CPB2: variants seen among roughly 807,000 people sequenced by gnomAD.
CPB2 encodes the protein carboxypeptidase B-like protein.
Under a neutral mutation model 57.0 loss-of-function variants are expected in CPB2, and 54 were observed. The ratio of observed to expected loss-of-function variants is 0.95; its 90% CI spans 0.76 to 1.19. CPB2 has a LOEUF of 1.19. Ranked by LOEUF, CPB2 falls within the 50% of genes most tolerant of loss-of-function variation. CPB2 has a pLI of 0.00. For missense variants in CPB2, 426 were observed against 512.0 expected (o/e 0.83, Z 1.62); for synonymous variants, 189 against 178.1 (o/e 1.06, Z -0.49).
intron 6 of CPB2, among the ~76,000 whole-genome samples, chr13:46,067,902 A>C (rs1388077114): frequency 1.3e-5 from 2 of 152,186 alleles, no homozygotes. Context: ...GGCTTTGATC[A>C]TCTAGCTGTA....
At chr13:46,097,693 T>C (rs1285618961) in intron 1 of CPB2, among the ~76,000 whole-genome samples, 1 of 152,194 alleles carries the variant, frequency 6.6e-6, no homozygotes, top group Non-Finnish European at 1.5e-5. Context: ...GGTGCTAACT[T>C]GGAAGGCAAC....
chr13:46,084,577 A>G (rs7336399), intron 2 of CPB2, among the ~76,000 whole-genome samples: 58,349 of 151,942 alleles, frequency 0.38, 11,619 homozygotes, highest in East Asian at 0.63. Context: ...GGCCTGGAAT[A>G]TACAAGATAA....
chr13:46,083,983 T>C (rs190320957), intron 3 of CPB2, among the ~76,000 whole-genome samples: 1 of 152,312 alleles, frequency 6.6e-6, no homozygotes, highest in Admixed American at 6.5e-5. Context: ...TACCAATCAC[T>C]GAGTCTAACC....
chr13:46,076,679 C>G (rs551013997), intron 5 of CPB2, among the ~76,000 whole-genome samples: 1 of 152,052 alleles, frequency 6.6e-6, no homozygotes, highest in African/African-American at 2.4e-5. Context: ...CAAAGCAATG[C>G]TGAACAGAAT....
intron 2 of CPB2, among the ~76,000 whole-genome samples, chr13:46,087,214 G>A (rs1387119812): frequency 2.0e-5 from 3 of 152,344 alleles, no homozygotes; most frequent in African/African-American, 7.2e-5. Flanking sequence ...ATCACAGAAG[G>A]GGGCGGGACT....
Position 46,087,755 on chromosome 13 carries a change from G to T in CPB2, c.140C>A (p.Thr47Lys). Residue 47 changes from threonine (T) to lysine (K), a missense_variant, in exon 2 of 11, where the codon ACA (threonine) becomes AAA (lysine). Transcript: ENST00000181383. ...TTAGGGAGAAATTACCTCATATGTT[G>T]TAGTAAGATTCTGTAGAACTTGAAC... ...RQVQVLQNLT[T>K]TYEIVLWQPV... 6.2e-7 allele frequency: 1 copy of T among 1,606,800 alleles called. No individual in the cohort carries two copies. The highest frequency in any genetic ancestry group is 1.1e-5 in the South Asian group (1 of 90,604).
In CPB2 at chr13:46,055,930, A is replaced by T. The variant is rs190020847; in HGVS notation, c.1000-81T>A. ...GTAGAAGTTTCTAAAAAATAATCATACATTAATTGAATCAAAGTATACAGG... is the reference window on the plus strand; with the variant it reads ...GTAGAAGTTTCTAAAAAATAATCATTCATTAATTGAATCAAAGTATACAGG... On this transcript the variant is annotated intron_variant, in intron 9 of 10. Transcript: ENST00000181383. 1.9e-5 allele frequency: 15 copies of T among 772,164 alleles called. No individual in the cohort carries two copies. The East Asian group carries it at 3.9e-4, about 20-fold the overall frequency. The allele number at this position is 772,164 out of a possible 1,614,324, so 47.8% of individuals were successfully genotyped here.
intron 1 of CPB2, among the ~76,000 whole-genome samples, chr13:46,104,422 G>A (rs374753950): frequency 6.6e-6 from 1 of 152,266 alleles, no homozygotes; most frequent in East Asian, 1.9e-4. Flanking sequence ...AATCTACTAA[G>A]CAAAATAAGA....
At chr13:46,071,109 G>A (rs1323423383) in intron 6 of CPB2, among the ~76,000 whole-genome samples, 1 of 152,186 alleles carries the variant, frequency 6.6e-6, no homozygotes, top group Non-Finnish European at 1.5e-5. Flanking sequence ...AAAAAGGATG[G>A]TTAATTCTGT....
chr13:46,070,033 A>G (rs2044915463), intron 6 of CPB2, among the ~76,000 whole-genome samples: 1 of 152,238 alleles, frequency 6.6e-6, no homozygotes. Flanking sequence ...TGCAATATAC[A>G]ATGACTTCAC....
intron 1 of CPB2, among the ~76,000 whole-genome samples, chr13:46,095,526 G>C (rs2139419554): frequency 6.6e-6 from 1 of 152,298 alleles, no homozygotes; most frequent in African/African-American, 2.4e-5. Flanking sequence ...CATAGTGCTT[G>C]ATGTGGCATC....
intron 5 of CPB2, among the ~76,000 whole-genome samples, chr13:46,076,150 C>A (rs562713458): frequency 2.6e-5 from 4 of 151,940 alleles, no homozygotes; most frequent in Non-Finnish European, 5.9e-5. Flanking sequence ...CTAACCAGAG[C>A]AAACAGGTAA....
chr13:46,053,260 C>G lies in CPB2; in HGVS notation c.*354G>C, dbSNP rs2044604015. 5.6e-6 allele frequency: 1 copy of G among 177,286 alleles called. No individual in the cohort carries two copies. The highest frequency in any genetic ancestry group is 1.7e-4 in the South Asian group (1 of 5,946). The allele number at this position is 177,286 out of a possible 1,614,324, so 11.0% of individuals were successfully genotyped here. ...AATCTTTAATGTACTTCTGACCACCCTTCCTTTTGTTGAGTAGGATCCAAT... is the reference window on the plus strand; with the variant it reads ...AATCTTTAATGTACTTCTGACCACCGTTCCTTTTGTTGAGTAGGATCCAAT... On this transcript the variant is annotated 3_prime_UTR_variant, in exon 11 of 11. Coordinates refer to ENST00000181383, the MANE Select transcript of CPB2 (RefSeq NM_001872.5).
chr13:46,081,848 G>C (rs1478118919), intron 4 of CPB2, among the ~76,000 whole-genome samples: 1 of 152,176 alleles, frequency 6.6e-6, no homozygotes, highest in African/African-American at 2.4e-5. Flanking sequence ...GTGAAAGCTT[G>C]CTGAGGTCTC....
chr13:46,096,317 C>T (rs1272502331), intron 1 of CPB2: 2 of 152,952 alleles, frequency 1.3e-5, no homozygotes, highest in African/African-American at 4.8e-5. Flanking sequence ...CTCCCAGCCT[C>T]CTCCAGCCCT....
rs760600166 is a variant in CPB2 at position 46,055,796 on chromosome 13, G to T, written c.1053C>A (p.Thr351=). Residue 351 remains threonine (T), a synonymous_variant, in exon 10 of 11, where the codon ACC becomes ACA. Transcript: ENST00000181383. ...VRAIEKISKN[T]RYTHGHGSET... ...CTGAGCCATGGCCATGTGTATACCTGGTATTTTTACTAATTTTCTCAATAG... is the reference window on the plus strand; with the variant it reads ...CTGAGCCATGGCCATGTGTATACCTTGTATTTTTACTAATTTTCTCAATAG... The T allele has an allele frequency of 1.1e-5, 17 of 1,601,124 alleles. No individual in the cohort carries two copies. The highest frequency in any genetic ancestry group is 1.7e-5 in the Admixed American group (1 of 59,096).
intron 1 of CPB2, among the ~76,000 whole-genome samples, chr13:46,091,310 T>C (rs1187103426): frequency 2.0e-5 from 3 of 152,246 alleles, no homozygotes; most frequent in Admixed American, 2.0e-4. Context: ...AATGTACTTT[T>C]AATACGTTCT....
intron 1 of CPB2, among the ~76,000 whole-genome samples, chr13:46,094,099 C>A (rs1303752934): frequency 6.6e-6 from 1 of 150,756 alleles, no homozygotes; most frequent in South Asian, 2.1e-4. Context: ...GCTGGTAACC[C>A]TCTCATCTCA....
intron 5 of CPB2, among the ~76,000 whole-genome samples, chr13:46,077,667 A>G (rs2045043641): frequency 6.8e-6 from 1 of 147,178 alleles, no homozygotes; most frequent in Non-Finnish European, 1.5e-5. Context: ...AAGATATAGA[A>G]TCAACCTAAG....
Sources: gnomAD v4.1 joint callset for allele counts (sites outside exome capture counted in the v4.1 genomes callset) on GRCh38, gnomAD v4.1.1 for gene constraint, MANE v1.5 for transcripts, NCBI Gene and HGNC (gene_info 2026-07-23, HGNC 2026-07-21) for gene names.